Variants in ELF4 observed in about 807,000 individuals in gnomAD.
ELF4 encodes the protein E74 like ETS transcription factor 4.
In ELF4, 10 loss-of-function variants were observed where a neutral mutation model predicts 31.7. The ratio of observed to expected loss-of-function variants is 0.32; its 90% CI spans 0.19 to 0.54. ELF4 has a LOEUF of 0.54. Among genes scored for constraint, ELF4 ranks in the 20% least tolerant of loss-of-function variants. The pLI, the probability that ELF4 is intolerant of heterozygous loss-of-function variation, is 0.95. For synonymous variants in ELF4, 208 were observed against 226.7 expected (o/e 0.92, Z 0.74); for missense variants, 418 against 522.0 (o/e 0.80, Z 1.94).
intron 2 of ELF4, among the ~76,000 whole-genome samples, chrX:130,075,316 G>A (rs868260565): frequency 3.9e-4 from 39 of 99,916 alleles, no homozygotes; most frequent in South Asian, 1.4e-3. Context: ...TCACTCTGTC[G>A]CCCAGGCTGG....
In ELF4 at chrX:130,074,064, C is replaced by T. The variant is rs757718731; in HGVS notation, c.325G>A (p.Asp109Asn). Residue 109 changes from aspartate (D) to asparagine (N), a missense_variant, in exon 4 of 9, where the codon GAT (aspartate) becomes AAT (asparagine). Asp to Asn is a conservative substitution (Grantham distance 23, BLOSUM62 1). Around this residue, in one of 4 missense-constraint regions of ELF4, gnomAD observed 88 missense variants for 92.4 expected, o/e 0.95. Transcript: ENST00000308167. Reference protein sequence around the residue: ...LNMESPSDILDEKQIFSTSEM... With the variant: ...LNMESPSDILNEKQIFSTSEM... ...TCAAACTTACAGATCTGCTTCTCAT[C>T]CAGGATATCGCTGGGAGACTCCATA... The T allele has an allele frequency of 3.3e-6, 4 of 1,209,908 alleles. No individual in the cohort carries two copies. In the African/African-American group the frequency reaches 7.0e-5, roughly 21 times the overall value.
chrX:130,108,362 G>A lies in ELF4; in HGVS notation c.-210+1963C>T, dbSNP rs184937028. ...ACTCTAAACGCAAAAACAAAAACTGGATGTAAAATTACATTGCGGGGGTAG... is the reference window on the plus strand; with the variant it reads ...ACTCTAAACGCAAAAACAAAAACTGAATGTAAAATTACATTGCGGGGGTAG... On this transcript the variant is annotated intron_variant, in intron 1 of 8. Transcript: ENST00000308167. Among the ~76,000 whole-genome samples, 3 of 111,640 alleles carry A rather than the reference G, an allele frequency of 2.7e-5. No homozygotes were observed. In the East Asian group the frequency reaches 8.4e-4, roughly 31 times the overall value.
At chrX:130,069,254 A>C in intron 8 of ELF4, 46 bp downstream of exon 8, 1 of 1,202,802 alleles carries the variant, frequency 8.3e-7, no homozygotes, top group Non-Finnish European at 1.1e-6. Context: ...CTGAACCCCA[A>C]CATGATGTAC....
At chrX:130,073,560 G>A (rs1932807016) in intron 4 of ELF4, among the ~76,000 whole-genome samples, 1 of 112,130 alleles carries the variant, frequency 8.9e-6, no homozygotes, top group Non-Finnish European at 1.9e-5. Flanking sequence ...CACCCAGGCT[G>A]GAGTGCAATG....
intron 1 of ELF4, among the ~76,000 whole-genome samples, chrX:130,099,714 C>T (rs1377114300): frequency 1.8e-5 from 2 of 111,003 alleles, no homozygotes; most frequent in African/African-American, 6.6e-5. Flanking sequence ...TCTCGGCTCA[C>T]GGCAACCTCC....
chrX:130,109,744 T>C (rs1226077897), intron 1 of ELF4, among the ~76,000 whole-genome samples: 2 of 110,279 alleles, frequency 1.8e-5, no homozygotes, highest in African/African-American at 6.6e-5. Flanking sequence ...CTGAATCCCC[T>C]AGGCGGCGGC....
upstream of ELF4, among the ~76,000 whole-genome samples, chrX:130,111,518 T>C (rs1434262704): frequency 1.8e-5 from 2 of 112,438 alleles, no homozygotes; most frequent in Non-Finnish European, 3.8e-5. Context: ...TATGCCCGAC[T>C]CCGCAGAATC....
chrX:130,085,075 T>C (rs1932941673), intron 1 of ELF4, among the ~76,000 whole-genome samples: 2 of 111,749 alleles, frequency 1.8e-5, no homozygotes, highest in Admixed American at 1.9e-4. Context: ...CTGTGAACCC[T>C]TAGTAACTGG....
At chrX:130,090,663 C>T (rs937897402) in intron 1 of ELF4, among the ~76,000 whole-genome samples, 2 of 112,321 alleles carry the variant, frequency 1.8e-5, no homozygotes, top group Admixed American at 1.9e-4. Context: ...ACTTCTTAGA[C>T]CAAAGCAGGG....
At chrX:130,070,989 G>A (rs370607850) in intron 7 of ELF4, 51 bp downstream of exon 7, 66 of 1,200,062 alleles carry the variant, frequency 5.5e-5, no homozygotes, top group Non-Finnish European at 7.2e-5. Flanking sequence ...ACTTAAGGAA[G>A]GATTGGTGAT....
chrX:130,109,774 C>T (rs1021155400), intron 1 of ELF4, among the ~76,000 whole-genome samples: 4 of 113,007 alleles, frequency 3.5e-5, no homozygotes, highest in African/African-American at 1.3e-4. Context: ...AACCCGGAGG[C>T]GGGAGAGTCG....
chrX:130,068,127 T>C (rs1932732302), intron 8 of ELF4, among the ~76,000 whole-genome samples: 1 of 112,090 alleles, frequency 8.9e-6, no homozygotes, highest in Non-Finnish European at 1.9e-5. Flanking sequence ...TCACATTTAT[T>C]AAGTACTTAG....
At position 130,080,423 on chromosome X, in the gene ELF4, CA is replaced by C. The variant is rs3077212; in HGVS notation, c.75+832del. Among the ~76,000 whole-genome samples the C allele has an allele frequency of 9.1e-3, 510 of 56,321 alleles. 3 individuals carry two copies. Among genetic ancestry groups the C allele is most frequent in the East Asian group, 0.031 (50 of 1,611 alleles). The allele number at this position is 56,321 out of a possible 115,157, so 48.9% of individuals were successfully genotyped here. On this transcript the variant is annotated intron_variant, in intron 2 of 8. Coordinates refer to ENST00000308167, the MANE Select transcript of ELF4 (RefSeq NM_001421.4). ...TGGGCGACAGAGTGAGACTTCGTTT[CA>C]AAAAAAAAAAAAAAAAAATAGGGTA...
chrX:130,075,280 T>C, intron 2 of ELF4, among the ~76,000 whole-genome samples: 1 of 78,491 alleles, frequency 1.3e-5, no homozygotes, highest in Non-Finnish European at 2.2e-5. Context: ...AGGGCAAGCT[T>C]TTTTTTTTTT....
chrX:130,072,516 G>A, intron 4 of ELF4, 99 bp from the exon 5 acceptor site: 1 of 887,533 alleles, frequency 1.1e-6, no homozygotes. Context: ...GAGGGCGGGG[G>A]GCTCATCCCC....
intron 1 of ELF4, among the ~76,000 whole-genome samples, chrX:130,108,698 G>A (rs950456146): frequency 8.1e-5 from 9 of 110,934 alleles, no homozygotes; most frequent in African/African-American, 3.0e-4. Context: ...AGCAACCACC[G>A]AGCAAACAGT....
chrX:130,067,082 GAGGAC>G lies in ELF4; in HGVS notation c.1626_1630del (p.Arg542SerfsTer20). 8.3e-7 allele frequency: 1 copy of G among 1,209,224 alleles called. No individual in the cohort carries two copies. The highest frequency in any genetic ancestry group is 1.1e-6 in the Non-Finnish European group (1 of 893,515). On this transcript the variant is annotated frameshift_variant, in exon 9 of 9. Transcript: ENST00000308167. LOFTEE classifies it high-confidence loss of function. ...CGTCACCATACCCTGAACATAGGAG[GAGGAC>G]CTCAGTGGCCCCTCCTTGACCCTAG...
chrX:130,078,599 A>C (rs2124619894), intron 2 of ELF4, among the ~76,000 whole-genome samples: 1 of 110,717 alleles, frequency 9.0e-6, no homozygotes, highest in East Asian at 2.9e-4. Flanking sequence ...CTCTACTAAA[A>C]ATACAAAATT....
intron 1 of ELF4, among the ~76,000 whole-genome samples, chrX:130,093,940 T>C (rs1367871725): frequency 1.8e-5 from 2 of 112,351 alleles, no homozygotes; most frequent in African/African-American, 3.2e-5. Context: ...CCTCCTGTCA[T>C]GAGAGCAGGG....
Sources: allele counts gnomAD v4.1 joint callset (sites outside exome capture counted in the v4.1 genomes callset), GRCh38; gene constraint gnomAD v4.1.1; regional missense constraint gnomAD v4.1.1; transcripts MANE v1.5; gene names NCBI Gene and HGNC (gene_info 2026-07-23, HGNC 2026-07-21).